DCDC1: variants seen among roughly 807,000 people sequenced by gnomAD.
DCDC1 encodes doublecortin domain containing 1.
In DCDC1, 200 loss-of-function variants were observed where a neutral mutation model predicts 178.3. The ratio of observed to expected loss-of-function variants is 1.12; its 90% CI spans 1.00 to 1.26. DCDC1 has a LOEUF of 1.26. DCDC1 is among the 50% of genes most tolerant of loss of function. The probability of loss-of-function intolerance (pLI) is 0.00; values close to 1 mark genes in which losing one functional copy is unlikely to be tolerated. For synonymous variants in DCDC1, 690 were observed against 604.8 expected (o/e 1.14, Z -2.07); for missense variants, 1,983 against 1,749.2 (o/e 1.13, Z -2.38).
intron 1 of DCDC1, among the ~76,000 whole-genome samples, chr11:31,345,274 G>C (rs1018490294): frequency 6.6e-6 from 1 of 152,050 alleles, no homozygotes; most frequent in Non-Finnish European, 1.5e-5. Flanking sequence ...TGGAATAAAC[G>C]TAAGTTTAAG....
At chr11:31,080,628 A>T (rs916560268) in intron 17 of DCDC1, among the ~76,000 whole-genome samples, 1 of 152,218 alleles carries the variant, frequency 6.6e-6, no homozygotes, top group African/African-American at 2.4e-5. Context: ...TAACAAAAAC[A>T]ATATTGCTAG....
In DCDC1 at chr11:31,332,006, T is replaced by A. The variant is rs949266123; in HGVS notation, c.-7+3441A>T. Among the ~76,000 whole-genome samples, 8 of 152,302 alleles carry A rather than the reference T, an allele frequency of 5.3e-5. No individual in the cohort carries two copies. The South Asian group carries it at 1.7e-3, about 32-fold the overall frequency. The stretch of plus-strand genomic sequence containing the variant: ...AGAATTTGACTGTGAATCCATCTGG[T>A]CCTGAACTTTTTTTGGTTGGTGGGC... On this transcript the variant is annotated intron_variant, in intron 2 of 38. Transcript: ENST00000684477.
intron 20 of DCDC1, among the ~76,000 whole-genome samples, chr11:30,960,323 C>T (rs191600033): frequency 9.7e-4 from 147 of 152,132 alleles, no homozygotes; most frequent in Non-Finnish European, 1.6e-3. Context: ...TAAAATGAGC[C>T]GGTCATGTTC....
At position 31,132,520 on chromosome 11, in the gene DCDC1, CT is replaced by C. The variant is rs771500230; in HGVS notation, c.1315-4882del. Among the ~76,000 whole-genome samples, 77 of 150,718 alleles carry C rather than the reference CT, an allele frequency of 5.1e-4. 1 individual carries two copies. In the East Asian group the frequency reaches 0.011, roughly 21 times the overall value. ...GTGAATCTTTTTTTTTCTTCAAATC[CT>C]TTTTTTTTCCTCTACAAAGGCAATG... On this transcript the variant is annotated intron_variant, in intron 10 of 38. Transcript: ENST00000684477.
intron 18 of DCDC1, among the ~76,000 whole-genome samples, chr11:31,072,292 C>T (rs1399192033): frequency 1.3e-5 from 2 of 151,966 alleles, no homozygotes; most frequent in Non-Finnish European, 2.9e-5. Flanking sequence ...TATTGAAGTG[C>T]ATATCGTTTT....
intron 11 of DCDC1, 111 bp downstream of exon 11, chr11:31,127,358 G>A (rs943737386): frequency 5.6e-6 from 3 of 531,200 alleles, no homozygotes; most frequent in Admixed American, 6.9e-5. Context: ...GTTTGAGGAA[G>A]ACAACATTAA....
At position 30,874,515 on chromosome 11, in the gene DCDC1, G is replaced by A. The variant is rs185206739; in HGVS notation, c.*40+4029C>T. ...AAAGGCCAAGAGGCAGGGAGGAAGA[G>A]GGAGGAGGGAAGAGGGAGAAAAAGT... On this transcript the variant is annotated intron_variant, in intron 38 of 38. Coordinates refer to ENST00000684477, the MANE Select transcript of DCDC1 (RefSeq NM_001387274.1). Among the ~76,000 whole-genome samples, 414 of 152,292 alleles carry A rather than the reference G, an allele frequency of 2.7e-3. 4 individuals are homozygous for A. The highest frequency in any genetic ancestry group is 9.6e-3 in the African/African-American group (398 of 41,554).
At position 31,286,130 on chromosome 11, in the gene DCDC1, G is replaced by C. The variant is rs536306355; in HGVS notation, c.960+4517C>G. Among the ~76,000 whole-genome samples, 6 of 152,206 alleles carry C rather than the reference G, an allele frequency of 3.9e-5. No individual in the cohort carries two copies. The South Asian group carries it at 1.2e-3, about 32-fold the overall frequency. On this transcript the variant is annotated intron_variant, in intron 7 of 38. Transcript: ENST00000684477. ...CTTTAGAGTGGCTGGGAATCATCTG[G>C]AGACATTTGTTGAAATTCAGATTCC...
chr11:31,274,772 C>A (rs1052110572), intron 7 of DCDC1, among the ~76,000 whole-genome samples: 1 of 150,188 alleles, frequency 6.7e-6, no homozygotes, highest in Admixed American at 6.7e-5. Flanking sequence ...ATGGTCTCTG[C>A]TCACTGAAAC....
chr11:30,938,383 T>C (rs1319408952), intron 21 of DCDC1, among the ~76,000 whole-genome samples: 1 of 152,150 alleles, frequency 6.6e-6, no homozygotes, highest in Non-Finnish European at 1.5e-5. Context: ...GCAGCAGCTT[T>C]TATCAAGTTT....
rs894653098 is a variant in DCDC1, at chr11:30,864,983, G to C, written c.*390C>G. Reference sequence around the variant, plus strand: ...TATTTTTTATTTTTTATTTTTTGCAGAGGCCTCCACTTTTTATTTCAGTTG... The same window carrying C: ...TATTTTTTATTTTTTATTTTTTGCACAGGCCTCCACTTTTTATTTCAGTTG... On this transcript the variant is annotated 3_prime_UTR_variant, in exon 39 of 39. Transcript: ENST00000684477. 2 of 151,724 alleles carry C rather than the reference G, an allele frequency of 1.3e-5. No individual in the cohort carries two copies. The highest frequency in any genetic ancestry group is 1.3e-4 in the Admixed American group (2 of 15,232). 9.4% of individuals were successfully genotyped at this position (151,724 alleles called of 1,614,324 possible). A position where few individuals can be genotyped will look rare whatever the true frequency, so the allele number is the denominator to read the frequency against.
chr11:30,875,334 C>A (rs139506342), intron 38 of DCDC1, among the ~76,000 whole-genome samples: 1,813 of 152,120 alleles, frequency 0.012, 32 homozygotes, highest in Non-Finnish European at 0.016. Flanking sequence ...AGAGGGGACA[C>A]GGGGTTGAGA....
chr11:31,247,374 C>T (rs1008107497), intron 8 of DCDC1, among the ~76,000 whole-genome samples: 6 of 151,738 alleles, frequency 4.0e-5, no homozygotes, highest in African/African-American at 1.2e-4. Flanking sequence ...ATTGTTAATG[C>T]CTTGCTGCTT....
At chr11:31,315,527 G>A (rs1169930598) in intron 3 of DCDC1, among the ~76,000 whole-genome samples, 1 of 151,044 alleles carries the variant, frequency 6.6e-6, no homozygotes, top group African/African-American at 2.4e-5. Flanking sequence ...TAGTAGAGAG[G>A]GGGTTTCACC....
intron 8 of DCDC1, among the ~76,000 whole-genome samples, chr11:31,250,425 T>C (rs867021360): frequency 0.013 from 1,471 of 114,488 alleles, 85 homozygotes; most frequent in Middle Eastern, 0.052. Context: ...CATATACATA[T>C]ATATGTATAT....
At chr11:31,170,624 C>T (rs1262411976) in intron 9 of DCDC1, among the ~76,000 whole-genome samples, 2 of 152,026 alleles carry the variant, frequency 1.3e-5, no homozygotes, top group Non-Finnish European at 2.9e-5. Context: ...ACAGATTTAC[C>T]TTTCACACTA....
intron 20 of DCDC1, among the ~76,000 whole-genome samples, chr11:31,000,178 T>A (rs1951493271): frequency 6.6e-6 from 1 of 152,216 alleles, no homozygotes; most frequent in Non-Finnish European, 1.5e-5. Context: ...AATTGCTTAA[T>A]TCTAACTTTT....
At chr11:31,103,852 C>A (rs1360183493) in intron 13 of DCDC1, 83 bp from the exon 14 acceptor site, 1 of 697,190 alleles carries the variant, frequency 1.4e-6, no homozygotes, top group Admixed American at 2.1e-5. Flanking sequence ...ATAAAATACA[C>A]ATTATCATTG....
At chr11:31,019,633 T>C (rs1952735618) in intron 20 of DCDC1, among the ~76,000 whole-genome samples, 1 of 152,170 alleles carries the variant, frequency 6.6e-6, no homozygotes, top group Non-Finnish European at 1.5e-5. Flanking sequence ...GTATGATCTT[T>C]TAAAAATTAA....
Sources: allele counts gnomAD v4.1 joint callset (sites outside exome capture counted in the v4.1 genomes callset), GRCh38; gene constraint gnomAD v4.1.1; transcripts MANE v1.5; gene names NCBI Gene and HGNC (gene_info 2026-07-23, HGNC 2026-07-21).